The following CAST variants were observed in gnomAD, a reference collection of about 807,000 sequenced individuals.
The protein encoded by CAST is calpastatin.
CAST carries 76 observed loss-of-function variants against 119.6 expected under a neutral mutation model. The observed-to-expected ratio is 0.64, with a 90% CI of 0.53 to 0.77. The LOEUF (loss-of-function observed/expected upper bound fraction) is 0.77. Ranked by LOEUF, CAST falls within the 30% of genes least tolerant of loss-of-function variation. CAST has a pLI of 0.00. For synonymous variants in CAST, 319 were observed against 331.6 expected, an observed-to-expected ratio of 0.96 and a Z score of 0.41; for missense variants, 953 against 946.5, an observed-to-expected ratio of 1.01 and a Z score of -0.09.
At chr5:96,346,071 T>C in the CAST span, among the ~76,000 whole-genome samples, 1 of 152,162 alleles carries the variant, frequency 6.6e-6, no homozygotes, top group African/African-American at 2.4e-5. Flanking sequence ...TGAGAAATGA[T>C]GGAGTTTGCA....
At chr5:96,075,893 C>T in the CAST span, among the ~76,000 whole-genome samples, 1 of 152,282 alleles carries the variant, frequency 6.6e-6, no homozygotes, top group African/African-American at 2.4e-5. Context: ...GAGTTTGTCA[C>T]ATTAAATCCA....
chr5:96,405,860 T>G, the CAST span, among the ~76,000 whole-genome samples: 1 of 152,200 alleles, frequency 6.6e-6, no homozygotes, highest in African/African-American at 2.4e-5. Context: ...AAGGATGGGC[T>G]AGGCACGGCT....
the CAST span, among the ~76,000 whole-genome samples, chr5:96,450,153 C>T: frequency 6.6e-6 from 1 of 152,144 alleles, no homozygotes; most frequent in Non-Finnish European, 1.5e-5. Context: ...TGGATTCCAC[C>T]TAAGTGCCCA....
chr5:96,617,837 A>G (rs1747500307), intron 1 of CAST, among the ~76,000 whole-genome samples: 1 of 133,672 alleles, frequency 7.5e-6, no homozygotes, highest in Admixed American at 7.6e-5. Context: ...AAACACTCTT[A>G]GGAGAAAGGA....
the CAST span, among the ~76,000 whole-genome samples, chr5:96,437,079 G>A: frequency 6.6e-6 from 1 of 152,198 alleles, no homozygotes; most frequent in African/African-American, 2.4e-5. Context: ...CAAGTGATTA[G>A]AAGACCAAAT....
chr5:96,611,411 G>A (rs1747358895), intron 1 of CAST, among the ~76,000 whole-genome samples: 1 of 152,148 alleles, frequency 6.6e-6, no homozygotes, highest in Admixed American at 6.5e-5. Context: ...GCCATGTGCA[G>A]AAGAATAAAA....
the CAST span, among the ~76,000 whole-genome samples, chr5:96,189,523 C>A: frequency 6.6e-6 from 1 of 152,066 alleles, no homozygotes; most frequent in Non-Finnish European, 1.5e-5. Context: ...TAGCTTATGT[C>A]TTCCTTCAGC....
intron 1 of CAST, among the ~76,000 whole-genome samples, chr5:96,644,069 G>C (rs1357827784): frequency 2.0e-5 from 3 of 151,988 alleles, no homozygotes; most frequent in African/African-American, 7.3e-5. Context: ...AAAAAATTGA[G>C]GGTTTCTTTT....
At chr5:96,452,976 A>AAAAAAAAAAAAAGAAG in the CAST span, among the ~76,000 whole-genome samples, 6 of 142,424 alleles carry the variant, frequency 4.2e-5, no homozygotes, top group African/African-American at 1.8e-4. Flanking sequence ...AAAAAAAAAA[A>AAAAAAAAAAAAAGAAG]CAGAAGAAAG....
chr5:96,587,688 A>G (rs898145106), intron 1 of CAST, among the ~76,000 whole-genome samples: 1 of 152,206 alleles, frequency 6.6e-6, no homozygotes, highest in Admixed American at 6.5e-5. Context: ...GACACATTCT[A>G]GGAGGTTTTA....
intron 1 of CAST, among the ~76,000 whole-genome samples, chr5:96,639,134 C>T (rs544157153): frequency 7.2e-5 from 11 of 152,202 alleles, no homozygotes; most frequent in African/African-American, 2.2e-4. Context: ...TTACTCATCC[C>T]GTTCATCTGA....
chr5:96,632,617 G>A (rs1747835696), intron 1 of CAST, among the ~76,000 whole-genome samples: 1 of 151,362 alleles, frequency 6.6e-6, no homozygotes, highest in East Asian at 1.9e-4. Flanking sequence ...TATACAGGGT[G>A]AGAACAGAGT....
At chr5:96,272,610 G>C in the CAST span, among the ~76,000 whole-genome samples, 35 of 152,094 alleles carry the variant, frequency 2.3e-4, no homozygotes, top group Non-Finnish European at 4.3e-4. Context: ...GGTAGGGAGA[G>C]GGGGGATGAA....
chr5:96,412,156 C>T, the CAST span, among the ~76,000 whole-genome samples: 1 of 152,338 alleles, frequency 6.6e-6, no homozygotes, highest in South Asian at 2.1e-4. Flanking sequence ...ACTCCCATCC[C>T]TCTGAAGAAT....
chr5:96,023,468 A>C, the CAST span, among the ~76,000 whole-genome samples: 1 of 152,238 alleles, frequency 6.6e-6, no homozygotes, highest in Non-Finnish European at 1.5e-5. Context: ...ACCTTCAGTA[A>C]TAAATTGATA....
the CAST span, among the ~76,000 whole-genome samples, chr5:96,485,398 A>T: frequency 1.3e-5 from 2 of 152,216 alleles, no homozygotes; most frequent in Admixed American, 6.5e-5. Context: ...CAACTCCCTG[A>T]TGCCTAAGAT....
At chr5:95,971,986 TC>T in the CAST span, among the ~76,000 whole-genome samples, 1 of 147,928 alleles carries the variant, frequency 6.8e-6, no homozygotes, top group Non-Finnish European at 1.5e-5. Flanking sequence ...TGAAACAGGG[TC>T]CCCCTGCTGT....
At chr5:96,350,712 T>G in the CAST span, among the ~76,000 whole-genome samples, 1 of 152,156 alleles carries the variant, frequency 6.6e-6, no homozygotes, top group Non-Finnish European at 1.5e-5. Context: ...CATTTTTCAC[T>G]ATTCCACTCC....
chr5:96,757,637 C>T lies in CAST; in HGVS notation c.1816C>T (p.Gln606Ter). The T allele has an allele frequency of 1.3e-6, 2 of 1,598,152 alleles. No homozygotes were observed. Among genetic ancestry groups the T allele is most frequent in the Non-Finnish European group, 1.7e-6 (2 of 1,166,054 alleles). ...DALSEDFSGP[Q>*]NASSLKFEDA... ...TTTGTCTGAGGACTTCTCTGGTCCACAAAATGCTTCATCTCTTGTAAGTCC... is the reference window on the plus strand; with the variant it reads ...TTTGTCTGAGGACTTCTCTGGTCCATAAAATGCTTCATCTCTTGTAAGTCC... Residue 606 changes from glutamine to a stop codon, truncating the protein, a stop_gained, in exon 24 of 32, where the codon CAA becomes TAA. Coordinates refer to ENST00000675179, the MANE Select transcript of CAST (RefSeq NM_001750.7). LOFTEE classifies it high-confidence loss of function.
Sources: allele counts gnomAD v4.1 joint callset (sites outside exome capture counted in the v4.1 genomes callset), GRCh38; gene constraint gnomAD v4.1.1; transcripts MANE v1.5; gene names NCBI Gene and HGNC (gene_info 2026-07-23, HGNC 2026-07-21).